The following LAT2 variants were observed in gnomAD, a reference collection of about 807,000 sequenced individuals.
The protein encoded by LAT2 is linker for activation of T-cells family member 2.
Under a neutral mutation model 43.4 loss-of-function variants are expected in LAT2, and 23 were observed. That is an observed-to-expected ratio of 0.53 (90% CI 0.38 to 0.75). LAT2 has a LOEUF of 0.75. LAT2 is among the 30% of genes least tolerant of loss of function. The probability of loss-of-function intolerance (pLI) is 0.00; values close to 1 mark genes in which losing one functional copy is unlikely to be tolerated. For missense variants in LAT2, 284 were observed against 310.2 expected (o/e 0.92, Z 0.64); for synonymous variants, 128 against 123.2 (o/e 1.04, Z -0.26).
At chr7:74,222,863 C>A (rs1554715520) in intron 10 of LAT2, among the ~76,000 whole-genome samples, 1 of 152,222 alleles carries the variant, frequency 6.6e-6, no homozygotes, top group East Asian at 1.9e-4. Context: ...GCATGAGCCA[C>A]CCCGCCAGGC....
intron 1 of LAT2, among the ~76,000 whole-genome samples, chr7:74,212,816 C>T (rs905829689): frequency 4.6e-5 from 7 of 152,216 alleles, no homozygotes; most frequent in Admixed American, 1.3e-4. Context: ...GAGCTTTCCT[C>T]GGACAACCTC....
chr7:74,212,762 G>A (rs561143753), intron 1 of LAT2, among the ~76,000 whole-genome samples: 1 of 152,346 alleles, frequency 6.6e-6, no homozygotes, highest in Non-Finnish European at 1.5e-5. Context: ...GTTTCGAGGA[G>A]GGAGAAGGGC....
At chr7:74,211,248 A>T (rs1336217958) in intron 1 of LAT2, among the ~76,000 whole-genome samples, 1 of 151,938 alleles carries the variant, frequency 6.6e-6, no homozygotes, top group Non-Finnish European at 1.5e-5. Flanking sequence ...AGAGCGAGAC[A>T]GAGACACAAA....
rs568374096 is a variant in LAT2 at position 74,229,102 on chromosome 7, GAA to G, written c.*180_*181del. On this transcript the variant is annotated 3_prime_UTR_variant, in exon 14 of 14. Coordinates refer to ENST00000460943, the MANE Select transcript of LAT2 (RefSeq NM_032464.3). ...ACCTGGCCATGCGTGCACAGCCTGG[GAA>G]AAGACAGTTACTCACGGGAGCTGCA... is the stretch of plus-strand genomic sequence containing the variant. The G allele has an allele frequency of 1.2e-4, 19 of 152,218 alleles. No homozygotes were observed. The highest frequency in any genetic ancestry group is 4.1e-4 in the African/African-American group (17 of 41,434). The allele number at this position is 152,218 out of a possible 1,614,324, so 9.4% of individuals were successfully genotyped here.
chr7:74,223,380 C>G (rs1421157494), intron 10 of LAT2, among the ~76,000 whole-genome samples: 1 of 152,208 alleles, frequency 6.6e-6, no homozygotes, highest in African/African-American at 2.4e-5. Flanking sequence ...GTTCCAGCTA[C>G]TCAGGAGGCT....
chr7:74,221,999 TCTC>T (rs1449925746), intron 10 of LAT2, among the ~76,000 whole-genome samples: 4 of 151,740 alleles, frequency 2.6e-5, no homozygotes, highest in East Asian at 3.9e-4. Flanking sequence ...CTGAGCATCT[TCTC>T]CTGACCCCAG....
intron 2 of LAT2, 40 bp from the exon 3 acceptor site, chr7:74,215,907 G>C: frequency 3.4e-6 from 5 of 1,458,086 alleles, no homozygotes; most frequent in Non-Finnish European, 4.8e-6. Flanking sequence ...TAGGATTCCT[G>C]AAAAAGGGGC....
chr7:74,224,054 G>A lies in LAT2; in HGVS notation c.485G>A (p.Gly162Glu). ...GAGGGCATAGGTGGCCTCTGCAGAG[G>A]GGACCTCAGCCTGTCACTGGCCCTG... Reference protein sequence around the residue: ...QQEGIGGLCRGDLSLSLALKT... With the variant: ...QQEGIGGLCREDLSLSLALKT... Residue 162 changes from glycine to glutamate, a missense_variant, in exon 12 of 14, where the codon GGG becomes GAG. Transcript: ENST00000460943. 1.2e-6 allele frequency: 2 copies of A among 1,614,122 alleles called. No homozygotes were observed. The highest frequency in any genetic ancestry group is 8.5e-7 in the Non-Finnish European group (1 of 1,180,008).
intron 13 of LAT2, chr7:74,225,892 A>T (rs1041536567): frequency 6.6e-6 from 1 of 152,324 alleles, no homozygotes; most frequent in Non-Finnish European, 1.5e-5. Flanking sequence ...TCATTCAACC[A>T]GTATCCACTG....
chr7:74,213,710 A>C (rs938313231), intron 1 of LAT2, among the ~76,000 whole-genome samples: 2 of 152,154 alleles, frequency 1.3e-5, no homozygotes, highest in East Asian at 1.9e-4. Flanking sequence ...GGCGTGAGCC[A>C]CCACGCCCTG....
At chr7:74,226,816 C>T (rs1554716177) in intron 13 of LAT2, among the ~76,000 whole-genome samples, 1 of 152,080 alleles carries the variant, frequency 6.6e-6, no homozygotes, top group Non-Finnish European at 1.5e-5. Flanking sequence ...GGAAGCCTTT[C>T]AGAGCTCCCT....
intron 13 of LAT2, 82 bp downstream of exon 13, chr7:74,224,842 G>A: frequency 1.9e-6 from 2 of 1,068,468 alleles, no homozygotes; most frequent in Admixed American, 5.3e-5. Flanking sequence ...CAAGGGAACA[G>A]CCGAGAGTGT....
intron 4 of LAT2, among the ~76,000 whole-genome samples, chr7:74,219,344 T>TGA (rs1802173530): frequency 2.6e-5 from 4 of 152,198 alleles, no homozygotes; most frequent in Admixed American, 2.6e-4. Flanking sequence ...GCTGGGTCCC[T>TGA]GAGCACCTGC....
Position 74,213,669 on chromosome 7 carries a change from C to T in LAT2, c.-218-1153C>T, listed in dbSNP as rs1198792243. On this transcript the variant is annotated intron_variant, in intron 1 of 13. Coordinates refer to ENST00000460943, the MANE Select transcript of LAT2 (RefSeq NM_032464.3). ...CGAACTCCCGACCTCGTGATCTGCCCGCCTTGGCCTCCCAAAGTGCTGGGA... is the reference window on the plus strand; with the variant it reads ...CGAACTCCCGACCTCGTGATCTGCCTGCCTTGGCCTCCCAAAGTGCTGGGA... Among the ~76,000 whole-genome samples, 14 of 151,978 alleles carry T rather than the reference C, an allele frequency of 9.2e-5. 1 individual carries two copies. The highest frequency in any genetic ancestry group is 4.2e-4 in the South Asian group (2 of 4,818).
In LAT2 at chr7:74,220,120, AGC is replaced by A; in HGVS notation, c.228-96_228-95del. 1 of 1,562,668 alleles carries A rather than the reference AGC, an allele frequency of 6.4e-7. No homozygotes were observed. Among genetic ancestry groups the A allele is most frequent in the Non-Finnish European group, 8.7e-7 (1 of 1,144,908 alleles). ...CCCGAGTCCCAGAGCTCCAGGGCTC[AGC>A]TATGAAGGCCCCACAAGGGGTATGG... On this transcript the variant is annotated intron_variant, in intron 6 of 13. Coordinates refer to ENST00000460943, the MANE Select transcript of LAT2 (RefSeq NM_032464.3). This position sits in a 1 kb window ranked among gnomAD's most constrained non-coding sequence, Gnocchi z 4.5.
chr7:74,219,548 C>T (rs1213810911), intron 4 of LAT2, among the ~76,000 whole-genome samples, 196 bp from the exon 5 acceptor site: 2 of 152,184 alleles, frequency 1.3e-5, no homozygotes, highest in East Asian at 1.9e-4. Context: ...ACCCAGTGCA[C>T]GGAGGGGCCA....
At chr7:74,222,230 C>CAAAAAAAAAAAAA (rs113312443) in intron 10 of LAT2, among the ~76,000 whole-genome samples, 1 of 65,594 alleles carries the variant, frequency 1.5e-5, no homozygotes, top group Admixed American at 1.8e-4. Flanking sequence ...TACAAAAATA[C>CAAAAAAAAAAAAA]AAAAAAAAAA....
intron 1 of LAT2, among the ~76,000 whole-genome samples, chr7:74,213,965 T>C (rs1563966314): frequency 6.7e-6 from 1 of 148,914 alleles, no homozygotes; most frequent in East Asian, 2.0e-4. Context: ...TTATTATTTT[T>C]TGAAACGGAG....
chr7:74,218,001 C>G (rs542345735), intron 4 of LAT2, among the ~76,000 whole-genome samples: 4 of 152,178 alleles, frequency 2.6e-5, no homozygotes, highest in Admixed American at 6.6e-5. Flanking sequence ...CAACCTCCCC[C>G]GATGCCCCCC....
Sources: allele counts gnomAD v4.1 joint callset (sites outside exome capture counted in the v4.1 genomes callset), GRCh38; gene constraint gnomAD v4.1.1; non-coding constraint Gnocchi (gnomAD v3.1); transcripts MANE v1.5; gene names NCBI Gene and HGNC (gene_info 2026-07-23, HGNC 2026-07-21).